The following PATJ variants were observed in gnomAD, a reference collection of about 807,000 sequenced individuals.
The protein encoded by PATJ is inaD-like protein.
Under a neutral mutation model 224.9 loss-of-function variants are expected in PATJ, and 190 were observed. That is an observed-to-expected ratio of 0.84 (90% CI 0.75 to 0.95). The LOEUF is 0.95. Among genes scored for constraint, PATJ ranks in the 40% least tolerant of loss-of-function variants. The pLI, the probability that PATJ is intolerant of heterozygous loss-of-function variation, is 0.00. For synonymous variants in PATJ, 769 were observed against 820.3 expected (o/e 0.94, Z 1.07); for missense variants, 2,121 against 2,270.3 (o/e 0.93, Z 1.34).
intron 28 of PATJ, among the ~76,000 whole-genome samples, chr1:62,016,664 A>G (rs1193762496): frequency 2.0e-5 from 3 of 152,210 alleles, no homozygotes; most frequent in Admixed American, 1.3e-4. Flanking sequence ...TGTTTAGGTC[A>G]TCTTTTGGTA....
intron 28 of PATJ, among the ~76,000 whole-genome samples, chr1:61,993,675 A>G (rs1315389991): frequency 1.3e-5 from 2 of 152,148 alleles, no homozygotes; most frequent in African/African-American, 4.8e-5. Flanking sequence ...CCTAACACCT[A>G]GCACCCCTGT....
At chr1:62,131,628 A>G (rs1452565087) in intron 41 of PATJ, among the ~76,000 whole-genome samples, 1 of 151,822 alleles carries the variant, frequency 6.6e-6, no homozygotes, top group African/African-American at 2.4e-5. Context: ...AGCATGGGCT[A>G]CAAGAGTCAG....
intron 28 of PATJ, among the ~76,000 whole-genome samples, chr1:61,992,325 T>G (rs752981994): frequency 5.3e-5 from 8 of 151,958 alleles, no homozygotes; most frequent in Admixed American, 1.3e-4. Context: ...TCCATGTTGG[T>G]CAGGGTGGTC....
chr1:61,776,245 A>G (rs1646907234), intron 7 of PATJ, among the ~76,000 whole-genome samples: 1 of 152,210 alleles, frequency 6.6e-6, no homozygotes, highest in African/African-American at 2.4e-5. Flanking sequence ...GGGCCTCTGG[A>G]GGGCTCTGAG....
In PATJ at chr1:62,092,641, C is replaced by G. The variant is rs76771297; in HGVS notation, c.4377+7993C>G. Among the ~76,000 whole-genome samples, 465 of 152,012 alleles carry G rather than the reference C, an allele frequency of 3.1e-3. 18 individuals are homozygous for G. The East Asian group carries it at 0.079, about 26-fold the overall frequency. On this transcript the variant is annotated intron_variant, in intron 33 of 43. Transcript: ENST00000642238. ...ATGTTGGCCAGGCTGGTCTTGAACTCCTGACCTCAGGTGATCCACCTGGCT... is the reference window on the plus strand; with the variant it reads ...ATGTTGGCCAGGCTGGTCTTGAACTGCTGACCTCAGGTGATCCACCTGGCT...
At chr1:61,846,466 C>G (rs1254367735) in intron 17 of PATJ, among the ~76,000 whole-genome samples, 2 of 152,126 alleles carry the variant, frequency 1.3e-5, no homozygotes, top group Non-Finnish European at 2.9e-5. Context: ...AGATAATGGA[C>G]TATTTCTTAT....
chr1:62,022,336 C>T (rs1207269787), intron 29 of PATJ, among the ~76,000 whole-genome samples: 1 of 152,118 alleles, frequency 6.6e-6, no homozygotes, highest in African/African-American at 2.4e-5. Context: ...CACTTTTTCC[C>T]TTTTGCTTTT....
intron 27 of PATJ, among the ~76,000 whole-genome samples, chr1:61,980,947 A>G (rs1644420161): frequency 1.3e-5 from 2 of 152,070 alleles, no homozygotes; most frequent in Admixed American, 6.5e-5. Context: ...TTGAAATTCT[A>G]GGTTCAGCTT....
At chr1:62,153,854 G>A (rs1171238037) in intron 43 of PATJ, among the ~76,000 whole-genome samples, 1 of 152,148 alleles carries the variant, frequency 6.6e-6, no homozygotes, top group Non-Finnish European at 1.5e-5. Context: ...ACAGGCACCA[G>A]GGGGCTGAGG....
At chr1:62,024,802 G>A (rs1005102180) in intron 29 of PATJ, among the ~76,000 whole-genome samples, 6 of 151,982 alleles carry the variant, frequency 3.9e-5, no homozygotes, top group African/African-American at 7.3e-5. Context: ...TGTGGCCAGC[G>A]GGTGTTCAAT....
chr1:61,990,446 G>T, intron 28 of PATJ, 82 bp downstream of exon 28: 2 of 875,356 alleles, frequency 2.3e-6, no homozygotes, highest in South Asian at 5.8e-5. Context: ...GAGGTGAAAG[G>T]GAAGAATGAT....
chr1:61,854,821 T>G, intron 17 of PATJ, among the ~76,000 whole-genome samples: 1 of 152,202 alleles, frequency 6.6e-6, no homozygotes, highest in East Asian at 1.9e-4. Context: ...TATAAATTGG[T>G]TTTCATTAAC....
intron 27 of PATJ, among the ~76,000 whole-genome samples, chr1:61,934,716 C>G (rs1676572329): frequency 6.6e-6 from 1 of 152,104 alleles, no homozygotes; most frequent in South Asian, 2.1e-4. Flanking sequence ...CCCCACTTAA[C>G]ACTCTAAGTT....
intron 13 of PATJ, 131 bp from the exon 14 acceptor site, chr1:61,808,342 AT>A (rs1391402274): frequency 1.2e-4 from 79 of 654,748 alleles, no homozygotes; most frequent in Non-Finnish European, 2.1e-4. Context: ...GATTTCAAAA[AT>A]ATAAGAAAGG....
chr1:61,749,769 C>G (rs1779268), intron 1 of PATJ, among the ~76,000 whole-genome samples: 1 of 151,390 alleles, frequency 6.6e-6, no homozygotes, highest in Non-Finnish European at 1.5e-5. Flanking sequence ...GCCTAGACAT[C>G]CTGGGCTCAA....
At chr1:62,005,564 G>A (rs143406539) in intron 28 of PATJ, among the ~76,000 whole-genome samples, 1,629 of 151,990 alleles carry the variant, frequency 0.011, 14 homozygotes, top group Middle Eastern at 0.041. Flanking sequence ...AAGAGTTCAG[G>A]ACCACCCTGG....
intron 27 of PATJ, among the ~76,000 whole-genome samples, chr1:61,941,736 T>C (rs1677855603): frequency 6.6e-6 from 1 of 152,224 alleles, no homozygotes; most frequent in African/African-American, 2.4e-5. Context: ...AACTTTTTAA[T>C]AAATTTTAAT....
chr1:62,148,465 G>A, intron 42 of PATJ, 75 bp downstream of exon 42: 2 of 1,048,724 alleles, frequency 1.9e-6, no homozygotes, highest in South Asian at 1.3e-5. Flanking sequence ...ACACTCAAGT[G>A]CACTCTAAAG....
chr1:61,899,079 G>C (rs1439880066), intron 22 of PATJ, among the ~76,000 whole-genome samples: 2 of 152,128 alleles, frequency 1.3e-5, no homozygotes, highest in African/African-American at 4.8e-5. Context: ...GATAATATAA[G>C]TAACTGAAAA....
Sources: allele counts gnomAD v4.1 joint callset (sites outside exome capture counted in the v4.1 genomes callset), GRCh38; gene constraint gnomAD v4.1.1; transcripts MANE v1.5; gene names NCBI Gene and HGNC (gene_info 2026-07-23, HGNC 2026-07-21).